The following RPS6KB1 variants were observed in gnomAD, a reference collection of about 807,000 sequenced individuals.
RPS6KB1 encodes the protein ribosomal protein S6 kinase B1.
Under a neutral mutation model 70.2 loss-of-function variants are expected in RPS6KB1, and 12 were observed. The ratio of observed to expected loss-of-function variants is 0.17; its 90% CI spans 0.11 to 0.28. RPS6KB1 has a LOEUF of 0.28. Among genes scored for constraint, RPS6KB1 ranks in the 10% least tolerant of loss-of-function variants. The probability of loss-of-function intolerance (pLI) is 1.00; values close to 1 mark genes in which losing one functional copy is unlikely to be tolerated. For missense variants in RPS6KB1, 270 were observed against 646.6 expected (o/e 0.42, Z 6.32); for synonymous variants, 175 against 211.2 (o/e 0.83, Z 1.49).
chr17:59,949,439 T>A lies in RPS6KB1; in HGVS notation c.*2651T>A, dbSNP rs2045098764. On this transcript the variant is annotated 3_prime_UTR_variant, in exon 15 of 15. Transcript: ENST00000225577. ...AAAGAGATTAAGTGCTTTTTTTTCA[T>A]CACTTGATTATTTTCTTTAAAATCA... is the stretch of plus-strand genomic sequence containing the variant. 1 of 152,612 alleles carries A rather than the reference T, an allele frequency of 6.6e-6. No individual in the cohort carries two copies. The highest frequency in any genetic ancestry group is 2.1e-4 in the South Asian group (1 of 4,836). 9.5% of individuals were successfully genotyped at this position (152,612 alleles called of 1,614,324 possible).
intron 13 of RPS6KB1, among the ~76,000 whole-genome samples, chr17:59,941,378 G>T (rs1175318016): frequency 1.4e-5 from 2 of 147,706 alleles, no homozygotes; most frequent in Non-Finnish European, 3.0e-5. Context: ...TGGGTGTAGT[G>T]TAGTGGTGTG....
At position 59,893,905 on chromosome 17, in the gene RPS6KB1, G is replaced by T. The variant is rs2041320497; in HGVS notation, c.141+580G>T. ...ATTTCGGGAGCAAGGGGGCTCTGCTGCATCTTCCAATCTTCCAGGGTTTGT... is the reference window on the plus strand; with the variant it reads ...ATTTCGGGAGCAAGGGGGCTCTGCTTCATCTTCCAATCTTCCAGGGTTTGT... On this transcript the variant is annotated intron_variant, in intron 1 of 14. Transcript: ENST00000225577. This position sits in a 1 kb window ranked among gnomAD's most constrained non-coding sequence, Gnocchi z 4.1. 1.0e-6 allele frequency: 1 copy of T among 984,322 alleles called. No homozygotes were observed. Among genetic ancestry groups the T allele is most frequent in the Admixed American group, 6.2e-5 (1 of 16,120 alleles). 61.0% of individuals were successfully genotyped at this position (984,322 alleles called of 1,614,324 possible). A position where few individuals can be genotyped will look rare whatever the true frequency, so the allele number is the denominator to read the frequency against.
chr17:59,893,122 C>T lies in RPS6KB1; in HGVS notation c.-63C>T. On this transcript the variant is annotated 5_prime_UTR_variant, in exon 1 of 15. Coordinates refer to ENST00000225577, the MANE Select transcript of RPS6KB1 (RefSeq NM_003161.4). The surrounding 1 kb of genome is among the most constrained non-coding windows in gnomAD (Gnocchi z 4.1). ...CCAGTCTAAGGCCTAGGCGCAGACG[C>T]ACTGAGCCTAAGCAGCCGGTGATGG... 7 of 1,574,922 alleles carry T rather than the reference C, an allele frequency of 4.4e-6. No homozygotes were observed. In the South Asian group the frequency reaches 7.0e-5, roughly 16 times the overall value.
chr17:59,936,615 G>A (rs2044262843), intron 12 of RPS6KB1, 74 bp downstream of exon 12: 3 of 1,218,202 alleles, frequency 2.5e-6, no homozygotes, highest in South Asian at 1.2e-5. Context: ...AAGGGCCAAG[G>A]TGGGAGGATT....
rs201316437 is a variant in RPS6KB1, at chr17:59,945,511, C to T, written c.1333C>T (p.Pro445Ser). 1.1e-4 allele frequency: 179 copies of T among 1,578,976 alleles called. 1 individual carries two copies. The highest frequency in any genetic ancestry group is 4.1e-5 in the Non-Finnish European group (47 of 1,148,476). Residue 445 changes from proline (P) to serine (S), a missense_variant, in exon 14 of 15, where the codon CCT becomes TCT. By Grantham distance (74) the Pro-to-Ser change is moderately conservative. Around this residue, in one of 4 missense-constraint regions of RPS6KB1, gnomAD observed 133 missense variants for 314.7 expected, o/e 0.42. Transcript: ENST00000225577. ...AAGATTTATTGGCAGCCCACGAACA[C>T]CTGTCAGGTATTTCACACTCTTATT... ...PRRFIGSPRT[P>S]VSPVKFSPGD...
At chr17:59,937,071 A>G (rs1047814580) in intron 12 of RPS6KB1, among the ~76,000 whole-genome samples, 1 of 152,158 alleles carries the variant, frequency 6.6e-6, no homozygotes, top group African/African-American at 2.4e-5. Context: ...CATGTCACCC[A>G]GACTGGTCTT....
At chr17:59,914,845 C>G (rs145925629) in intron 4 of RPS6KB1, 142 bp downstream of exon 4, 54 of 669,886 alleles carry the variant, frequency 8.1e-5, no homozygotes, top group Non-Finnish European at 1.3e-4. Flanking sequence ...AAATGTATCT[C>G]AAGCCAGGTA....
At chr17:59,914,408 AAC>A (rs2042822853) in intron 3 of RPS6KB1, among the ~76,000 whole-genome samples, 1 of 152,208 alleles carries the variant, frequency 6.6e-6, no homozygotes, top group African/African-American at 2.4e-5. Context: ...AATATAAAGT[AAC>A]AGTGTTTATT....
chr17:59,917,622 G>T (rs2043032648), intron 4 of RPS6KB1, among the ~76,000 whole-genome samples: 1 of 152,010 alleles, frequency 6.6e-6, no homozygotes, highest in Non-Finnish European at 1.5e-5. Context: ...ATGTTTCGTA[G>T]AGACAAGGTC....
chr17:59,947,741 GC>G lies in RPS6KB1; in HGVS notation c.*956del. 1 of 608,634 alleles carries G rather than the reference GC, an allele frequency of 1.6e-6. No individual in the cohort carries two copies. Among genetic ancestry groups the G allele is most frequent in the Non-Finnish European group, 3.0e-6 (1 of 334,428 alleles). 37.7% of individuals were successfully genotyped at this position (608,634 alleles called of 1,614,324 possible). A position where few individuals can be genotyped will look rare whatever the true frequency, so the allele number is the denominator to read the frequency against. On this transcript the variant is annotated 3_prime_UTR_variant, in exon 15 of 15. Transcript: ENST00000225577. ...TGGTTCAAGACACCAAATGTCTTCAGCCCATGGCTGAAGAACAACAGAAGAG... is the reference window on the plus strand; with the variant it reads ...TGGTTCAAGACACCAAATGTCTTCAGCCATGGCTGAAGAACAACAGAAGAG...
At chr17:59,908,582 G>A (rs948953266) in intron 1 of RPS6KB1, among the ~76,000 whole-genome samples, 1 of 148,702 alleles carries the variant, frequency 6.7e-6, no homozygotes, top group African/African-American at 2.5e-5. Flanking sequence ...GTCATGAGTA[G>A]CCTCTACAGT....
intron 4 of RPS6KB1, among the ~76,000 whole-genome samples, chr17:59,921,765 T>C (rs1477346386): frequency 6.6e-6 from 1 of 151,138 alleles, no homozygotes; most frequent in Non-Finnish European, 1.5e-5. Flanking sequence ...GGAAGCAAAA[T>C]ACTATTGCCT....
In RPS6KB1 at chr17:59,893,929, G is replaced by C; in HGVS notation, c.141+604G>C. On this transcript the variant is annotated intron_variant, in intron 1 of 14. Transcript: ENST00000225577. The surrounding 1 kb of genome is among the most constrained non-coding windows in gnomAD (Gnocchi z 4.1). ...TGCATCTTCCAATCTTCCAGGGTTT[G>C]TTTGTTTGCTTTTTTTTTTTTACCC... 1 of 976,718 alleles carries C rather than the reference G, an allele frequency of 1.0e-6. No homozygotes were observed. Among genetic ancestry groups the C allele is most frequent in the Non-Finnish European group, 1.2e-6 (1 of 827,602 alleles). 60.5% of individuals were successfully genotyped at this position (976,718 alleles called of 1,614,324 possible).
chr17:59,914,943 A>G (rs2042852853), intron 4 of RPS6KB1, among the ~76,000 whole-genome samples: 1 of 151,962 alleles, frequency 6.6e-6, no homozygotes. Context: ...AGCCTGAGCA[A>G]TGTAGTAAGA....
intron 2 of RPS6KB1, among the ~76,000 whole-genome samples, chr17:59,911,538 GT>G (rs1184826889): frequency 0.028 from 2,087 of 74,682 alleles, 33 homozygotes; most frequent in African/African-American, 0.11. Context: ...TTTTTGTTGG[GT>G]TTTTTTTTTT....
At chr17:59,906,387 G>T (rs2042265470) in intron 1 of RPS6KB1, among the ~76,000 whole-genome samples, 1 of 151,986 alleles carries the variant, frequency 6.6e-6, no homozygotes, top group Admixed American at 6.6e-5. Flanking sequence ...CCTTTCGACA[G>T]AGTCTAGCTT....
chr17:59,895,790 G>T (rs2041517335), intron 1 of RPS6KB1, among the ~76,000 whole-genome samples: 1 of 151,144 alleles, frequency 6.6e-6, no homozygotes, highest in Admixed American at 6.6e-5. Flanking sequence ...GCACCACCAT[G>T]CCTGGCTAAT....
At chr17:59,924,733 GAT>G (rs1313042221) in intron 4 of RPS6KB1, among the ~76,000 whole-genome samples, 10 of 151,572 alleles carry the variant, frequency 6.6e-5, no homozygotes, top group African/African-American at 2.4e-4. Flanking sequence ...TTGTACAAAA[GAT>G]AGCATAGTAT....
Position 59,936,250 on chromosome 17 carries a change from T to G in RPS6KB1, c.1014T>G (p.Ala338=), listed in dbSNP as rs891753786. 4.4e-6 allele frequency: 7 copies of G among 1,598,450 alleles called. No individual in the cohort carries two copies. In the Admixed American group the frequency reaches 1.1e-4, roughly 25 times the overall value. ...LKRNAASRLG[A]GPGDAGEVQA... The stretch of plus-strand genomic sequence containing the variant: ...GAAATGCTGCTTCTCGTCTGGGAGC[T>G]GGTCCTGGGGACGCTGGAGAAGTTC... The change falls in exon 11 of 15, where the codon GCT becomes GCG. Residue 338 remains alanine, a synonymous_variant. Transcript: ENST00000225577.
Sources: gnomAD v4.1 joint callset for allele counts (sites outside exome capture counted in the v4.1 genomes callset) on GRCh38, gnomAD v4.1.1 for gene constraint, gnomAD v4.1.1 regional missense constraint, Gnocchi (gnomAD v3.1) non-coding constraint, MANE v1.5 for transcripts, NCBI Gene and HGNC (gene_info 2026-07-23, HGNC 2026-07-21) for gene names.